Variants in PALS2 observed in about 807,000 individuals in gnomAD.
PALS2 encodes the protein protein associated with LIN7 2, MAGUK p55 family member.
In PALS2, 27 loss-of-function variants were observed where a neutral mutation model predicts 61.6. The ratio of observed to expected loss-of-function variants is 0.44; its 90% CI spans 0.32 to 0.60. PALS2 has a LOEUF of 0.60. PALS2 is among the 20% of genes least tolerant of loss of function. PALS2 has a pLI of 0.05. For synonymous variants in PALS2, 236 were observed against 218.6 expected (o/e 1.08, Z -0.70); for missense variants, 554 against 639.4 (o/e 0.87, Z 1.44).
rs571631951 is a variant in PALS2, at chr7:24,679,113, C to T, written c.1115-18C>T. The stretch of plus-strand genomic sequence containing the variant: ...CTAAAATTTCTTTGTACAAAAATCT[C>T]AACACTATTTTATTTAGTTACTTCA... On this transcript the variant is annotated intron_variant, in intron 9 of 11. Transcript: ENST00000222644. 1.9e-6 allele frequency: 3 copies of T among 1,608,858 alleles called. No individual in the cohort carries two copies. The highest frequency in any genetic ancestry group is 2.2e-5 in the South Asian group (2 of 90,806).
chr7:24,611,529 GTTGTTGGGGATGCAAAGATGAT>G (rs1239753952), intron 1 of PALS2, among the ~76,000 whole-genome samples: 1 of 151,918 alleles, frequency 6.6e-6, no homozygotes, highest in Admixed American at 6.6e-5. Context: ...ATGTGGCCTA[GTTGTTGGGGATGCAAAGATGAT>G]TTCTGCACTC....
chr7:24,650,565 A>C lies in PALS2; in HGVS notation c.504A>C (p.Leu168=). The part of the protein sequence containing the change: ...LHGGMIDRQG[L]LHVGDIIKEV... ...GGGGAATGATAGATCGACAAGGTCTACTTCATGTGGGAGATATAATTAAAG... is the reference window on the plus strand; with the variant it reads ...GGGGAATGATAGATCGACAAGGTCTCCTTCATGTGGGAGATATAATTAAAG... The change falls in exon 5 of 12, where the codon CTA becomes CTC. Residue 168 remains leucine (L), a synonymous_variant. Transcript: ENST00000222644. 6.2e-7 allele frequency: 1 copy of C among 1,613,612 alleles called. No homozygotes were observed. The highest frequency in any genetic ancestry group is 8.5e-7 in the Non-Finnish European group (1 of 1,179,664).
At position 24,627,914 on chromosome 7, in the gene PALS2, T is replaced by C. The variant is rs549479037; in HGVS notation, c.117+4130T>C. 2.7e-3 allele frequency among the ~76,000 whole-genome samples: 404 copies of C among 152,170 alleles called. 1 individual carries two copies. The highest frequency in any genetic ancestry group is 4.4e-3 in the Non-Finnish European group (298 of 67,994). On this transcript the variant is annotated intron_variant, in intron 2 of 11. Transcript: ENST00000222644. ...CAAAAAAAGCCCAGGACCAGACAGA[T>C]TCACAGCCAGATTCTACCAGAGATA...
At chr7:24,644,020 C>A (rs557019549) in intron 3 of PALS2, among the ~76,000 whole-genome samples, 4 of 151,016 alleles carry the variant, frequency 2.6e-5, no homozygotes, top group African/African-American at 9.7e-5. Context: ...TATACAAATT[C>A]TGTTCTCTAT....
intron 1 of PALS2, among the ~76,000 whole-genome samples, chr7:24,594,592 A>G (rs1240920442): frequency 1.3e-5 from 2 of 152,094 alleles, no homozygotes; most frequent in African/African-American, 4.8e-5. Flanking sequence ...CTCAGGGATT[A>G]AGGAGGTCTG....
rs991736013 is a variant in PALS2, at chr7:24,690,262, G to C, written c.*2648G>C. 2 of 152,198 alleles carry C rather than the reference G, an allele frequency of 1.3e-5. No individual in the cohort carries two copies. Among genetic ancestry groups the C allele is most frequent in the African/African-American group, 4.8e-5 (2 of 41,456 alleles). The allele number at this position is 152,198 out of a possible 1,614,324, so 9.4% of individuals were successfully genotyped here. ...GCAGGAATGAGCAGTGCTCTGCGGG[G>C]GCAAACAGCCCCAGAGGTCCCAGGG... On this transcript the variant is annotated 3_prime_UTR_variant, in exon 12 of 12. Coordinates refer to ENST00000222644, the MANE Select transcript of PALS2 (RefSeq NM_001303037.2).
chr7:24,574,752 G>A (rs1782583844), intron 1 of PALS2, among the ~76,000 whole-genome samples: 2 of 152,160 alleles, frequency 1.3e-5, no homozygotes, highest in Admixed American at 1.3e-4. Flanking sequence ...TTCAATTGGA[G>A]TATGATTTAG....
At chr7:24,613,063 C>A (rs1368667274) in intron 1 of PALS2, among the ~76,000 whole-genome samples, 1 of 151,490 alleles carries the variant, frequency 6.6e-6, no homozygotes, top group Non-Finnish European at 1.5e-5. Flanking sequence ...TGGGTTTTTT[C>A]CTTATTCTAT....
chr7:24,660,493 C>CTT (rs1432542055), intron 5 of PALS2, among the ~76,000 whole-genome samples: 15 of 151,820 alleles, frequency 9.9e-5, no homozygotes, highest in Admixed American at 9.8e-4. Context: ...TTCACTTAAC[C>CTT]ATCTGTCTTG....
At position 24,585,020 on chromosome 7, in the gene PALS2, A is replaced by G. The variant is rs987158560; in HGVS notation, c.-3+11427A>G. 1.2e-3 allele frequency among the ~76,000 whole-genome samples: 183 copies of G among 151,856 alleles called. 3 individuals are homozygous for G. Among genetic ancestry groups the G allele is most frequent in the South Asian group, 4.2e-4 (2 of 4,798 alleles). On this transcript the variant is annotated intron_variant, in intron 1 of 11. Transcript: ENST00000222644. ...GGGCTCTGTTCTGTTCCATTGATCT[A>G]TATCTCTGTTTTGGTACCAGTCCCA...
At chr7:24,637,300 T>C (rs1363250603) in intron 2 of PALS2, among the ~76,000 whole-genome samples, 2 of 151,056 alleles carry the variant, frequency 1.3e-5, no homozygotes, top group African/African-American at 2.4e-5. Flanking sequence ...ACTCATCTTT[T>C]TTTTTTTTTT....
chr7:24,591,493 G>T (rs1366929217), intron 1 of PALS2, among the ~76,000 whole-genome samples: 2 of 152,258 alleles, frequency 1.3e-5, no homozygotes, highest in Non-Finnish European at 1.5e-5. Flanking sequence ...TTTATTAAAT[G>T]TGATGTGTCT....
Position 24,650,508 on chromosome 7 carries a change from T to G in PALS2, c.447T>G (p.Asn149Lys). 1 of 1,603,694 alleles carries G rather than the reference T, an allele frequency of 6.2e-7. No homozygotes were observed. The highest frequency in any genetic ancestry group is 1.1e-5 in the South Asian group (1 of 88,118). The part of the protein sequence containing the change: ...EPLGVTFRVE[N>K]NDLVIARILH... ...AGGGTGTGACATTTAGGGTTGAAAA[T>G]AATGATCTGGTAATTGCCCGAATCC... Residue 149 changes from asparagine (N) to lysine (K), a missense_variant, in exon 5 of 12, where the codon AAT (asparagine) becomes AAG (lysine). By Grantham distance (94) the Asn-to-Lys change is moderately conservative. Coordinates refer to ENST00000222644, the MANE Select transcript of PALS2 (RefSeq NM_001303037.2).
intron 5 of PALS2, among the ~76,000 whole-genome samples, chr7:24,652,696 A>G (rs1183451953): frequency 1.3e-5 from 2 of 152,190 alleles, no homozygotes; most frequent in Non-Finnish European, 2.9e-5. Context: ...GCTATAGGGA[A>G]GCAAGGGCAT....
chr7:24,639,186 T>C (rs1785388410), intron 2 of PALS2, among the ~76,000 whole-genome samples: 1 of 152,220 alleles, frequency 6.6e-6, no homozygotes, highest in African/African-American at 2.4e-5. Flanking sequence ...TAATGCATCA[T>C]TTATTGGATT....
chr7:24,621,424 A>G (rs1309492621), intron 1 of PALS2, among the ~76,000 whole-genome samples: 1 of 152,130 alleles, frequency 6.6e-6, no homozygotes, highest in Non-Finnish European at 1.5e-5. Context: ...GAACATTTGG[A>G]AAAAACTTAA....
chr7:24,681,033 G>T (rs1217774964), intron 11 of PALS2, among the ~76,000 whole-genome samples: 1 of 152,026 alleles, frequency 6.6e-6, no homozygotes, highest in Non-Finnish European at 1.5e-5. Flanking sequence ...TAAATCAAAA[G>T]TTTAGTTCCC....
intron 3 of PALS2, among the ~76,000 whole-genome samples, chr7:24,643,669 C>A (rs548173446): frequency 2.6e-4 from 40 of 152,140 alleles, no homozygotes; most frequent in Middle Eastern, 3.4e-3. Flanking sequence ...ATACCTTTTC[C>A]CCTTGATTAT....
At chr7:24,622,489 A>G (rs1784560075) in intron 1 of PALS2, among the ~76,000 whole-genome samples, 1 of 151,952 alleles carries the variant, frequency 6.6e-6, no homozygotes, top group Non-Finnish European at 1.5e-5. Flanking sequence ...GTGTATAGAA[A>G]TACACTATGT....
Sources: gnomAD v4.1 joint callset for allele counts (sites outside exome capture counted in the v4.1 genomes callset) on GRCh38, gnomAD v4.1.1 for gene constraint, MANE v1.5 for transcripts, NCBI Gene and HGNC (gene_info 2026-07-23, HGNC 2026-07-21) for gene names.